The following ARSK variants were observed in gnomAD, a reference collection of about 807,000 sequenced individuals.
ARSK encodes arylsulfatase family member K.
Under a neutral mutation model 53.2 loss-of-function variants are expected in ARSK, and 37 were observed. The ratio of observed to expected loss-of-function variants is 0.70; its 90% CI spans 0.54 to 0.92. The LOEUF (loss-of-function observed/expected upper bound fraction) is 0.92. Ranked by LOEUF, ARSK falls within the 40% of genes least tolerant of loss-of-function variation. The pLI is 0.00. For missense variants in ARSK, 613 were observed against 643.0 expected (o/e 0.95, Z 0.51); for synonymous variants, 208 against 223.2 (o/e 0.93, Z 0.61).
At chr5:95,602,596 G>A (rs1210812696) in intron 7 of ARSK, among the ~76,000 whole-genome samples, 4 of 152,120 alleles carry the variant, frequency 2.6e-5, no homozygotes, top group Non-Finnish European at 5.9e-5. Context: ...TGTTCTTCCA[G>A]TTAGATTGGT....
intron 3 of ARSK, among the ~76,000 whole-genome samples, chr5:95,582,350 G>A (rs1749033311): frequency 6.6e-6 from 1 of 151,942 alleles, no homozygotes; most frequent in Non-Finnish European, 1.5e-5. Context: ...AAATATCTCT[G>A]GTTTATAATG....
At chr5:95,572,759 A>C (rs1339693884) in intron 3 of ARSK, among the ~76,000 whole-genome samples, 1 of 151,516 alleles carries the variant, frequency 6.6e-6, no homozygotes, top group Non-Finnish European at 1.5e-5. Flanking sequence ...GCCTGGGTGA[A>C]AGAGCGAGAC....
At chr5:95,567,438 T>G (rs892341817) in intron 2 of ARSK, among the ~76,000 whole-genome samples, 2 of 152,178 alleles carry the variant, frequency 1.3e-5, no homozygotes, top group African/African-American at 4.8e-5. Context: ...AAGTGAGAGA[T>G]AAGGCATAAC....
At chr5:95,601,276 T>G (rs1282833766) in intron 7 of ARSK, among the ~76,000 whole-genome samples, 1 of 152,204 alleles carries the variant, frequency 6.6e-6, no homozygotes, top group Non-Finnish European at 1.5e-5. Flanking sequence ...GTCCTAAGGC[T>G]TTTGATCTGG....
chr5:95,604,386 A>ATCCAGTTCCCCC lies in ARSK; in HGVS notation c.*865_*876dup, dbSNP rs1749464907. The ATCCAGTTCCCCC allele has an allele frequency of 6.6e-6, 1 of 152,222 alleles. No homozygotes were observed. Among genetic ancestry groups the ATCCAGTTCCCCC allele is most frequent in the Non-Finnish European group, 1.5e-5 (1 of 68,052 alleles). The allele number at this position is 152,222 out of a possible 1,614,324, so 9.4% of individuals were successfully genotyped here. A position where few individuals can be genotyped will look rare whatever the true frequency, so the allele number is the denominator to read the frequency against. On this transcript the variant is annotated 3_prime_UTR_variant, in exon 8 of 8. Coordinates refer to ENST00000380009, the MANE Select transcript of ARSK (RefSeq NM_198150.3). The stretch of plus-strand genomic sequence containing the variant: ...CTCTGTCCTTTCCCTCTTCCCTGCC[A>ATCCAGTTCCCCC]TCCAGTTCCCCCTCCAAGAAGCAAG...
At chr5:95,591,347 A>G in intron 5 of ARSK, 54 bp from the exon 6 acceptor site, 1 of 1,434,578 alleles carries the variant, frequency 7.0e-7, no homozygotes, top group Non-Finnish European at 9.8e-7. Flanking sequence ...TTAATGTGAT[A>G]GAATAAAACA....
intron 3 of ARSK, among the ~76,000 whole-genome samples, chr5:95,569,307 A>T (rs1232552295): frequency 6.6e-6 from 1 of 152,180 alleles, no homozygotes. Flanking sequence ...AATAAGAAAA[A>T]ATTAAGTTAA....
intron 3 of ARSK, among the ~76,000 whole-genome samples, chr5:95,573,142 T>C (rs1346136143): frequency 6.6e-6 from 1 of 152,210 alleles, no homozygotes; most frequent in Non-Finnish European, 1.5e-5. Flanking sequence ...CTTAGGAATG[T>C]CACACTTAAA....
At position 95,600,962 on chromosome 5, in the gene ARSK, G is replaced by A. The variant is rs148460722; in HGVS notation, c.1212G>A (p.Leu404=). The change falls in exon 7 of 8, where the codon CTG becomes CTA. Residue 404 remains leucine, a synonymous_variant. Transcript: ENST00000380009. ...AAAACCTGCATCCACCCTGGATTCT[G>A]AGTGAATTCCATGGATGTAATGTGA... ...KVKNLHPPWI[L]SEFHGCNVNA... 1 of 1,614,106 alleles carries A rather than the reference G, an allele frequency of 6.2e-7. No individual in the cohort carries two copies. The highest frequency in any genetic ancestry group is 1.3e-5 in the African/African-American group (1 of 75,058).
chr5:95,597,767 A>C (rs1476680718), intron 6 of ARSK, among the ~76,000 whole-genome samples: 1 of 152,016 alleles, frequency 6.6e-6, no homozygotes, highest in Non-Finnish European at 1.5e-5. Flanking sequence ...GGTGATGTGC[A>C]CCTGTAATCC....
At chr5:95,588,319 C>A (rs889942920) in intron 5 of ARSK, among the ~76,000 whole-genome samples, 5 of 151,134 alleles carry the variant, frequency 3.3e-5, no homozygotes, top group African/African-American at 1.2e-4. Flanking sequence ...TTACTGTAAC[C>A]TCTGCCTCTT....
chr5:95,562,071 C>T (rs1748645389), intron 1 of ARSK, among the ~76,000 whole-genome samples: 1 of 151,946 alleles, frequency 6.6e-6, no homozygotes, highest in African/African-American at 2.4e-5. Flanking sequence ...AAAAATTAGC[C>T]AGGCATGGTG....
At chr5:95,598,226 C>G (rs946448901) in intron 6 of ARSK, among the ~76,000 whole-genome samples, 6 of 152,142 alleles carry the variant, frequency 3.9e-5, no homozygotes, top group South Asian at 2.1e-4. Context: ...TGTGCTTATA[C>G]TCCCATGAAA....
At chr5:95,587,905 C>CAAA (rs753471404) in intron 5 of ARSK, among the ~76,000 whole-genome samples, 1 of 82,354 alleles carries the variant, frequency 1.2e-5, no homozygotes, top group South Asian at 4.1e-4. Context: ...GACTACGTCT[C>CAAA]AAAAAAAAAA....
In ARSK at chr5:95,603,235, A is replaced by T; in HGVS notation, c.1322-2A>T. On this transcript the variant is annotated splice_acceptor_variant, in intron 7 of 7. Transcript: ENST00000380009. LOFTEE classifies it high-confidence loss of function. ...GACAGATACTTATTTTTTTTCTTTC[A>T]GATCTTTCCTCGGATCCAGATGAAT... 6.5e-7 allele frequency: 1 copy of T among 1,544,804 alleles called. No homozygotes were observed. The highest frequency in any genetic ancestry group is 8.7e-7 in the Non-Finnish European group (1 of 1,149,710).
At chr5:95,597,145 T>G (rs1157452308) in intron 6 of ARSK, among the ~76,000 whole-genome samples, 1 of 152,144 alleles carries the variant, frequency 6.6e-6, no homozygotes, top group East Asian at 1.9e-4. Flanking sequence ...AGGTGTCTCG[T>G]TTTGTAGTTA....
At chr5:95,587,940 A>G (rs1377358790) in intron 5 of ARSK, among the ~76,000 whole-genome samples, 3 of 152,032 alleles carry the variant, frequency 2.0e-5, no homozygotes, top group Non-Finnish European at 4.4e-5. Flanking sequence ...AAGGACTCAT[A>G]AGGACTTTCC....
chr5:95,556,233 T>TTTTAA (rs1748505040), intron 1 of ARSK: 1 of 702,198 alleles, frequency 1.4e-6, no homozygotes, highest in African/African-American at 1.7e-5. Flanking sequence ...AATTACATAG[T>TTTTAA]CTGGATGTGC....
intron 3 of ARSK, among the ~76,000 whole-genome samples, chr5:95,576,103 G>A (rs1196088852): frequency 6.6e-6 from 1 of 151,538 alleles, no homozygotes; most frequent in African/African-American, 2.4e-5. Context: ...ATAAAGGGAT[G>A]TTGAATTTTA....
Sources: allele counts gnomAD v4.1 joint callset (sites outside exome capture counted in the v4.1 genomes callset), GRCh38; gene constraint gnomAD v4.1.1; transcripts MANE v1.5; gene names NCBI Gene and HGNC (gene_info 2026-07-23, HGNC 2026-07-21).